The following ANKIB1 variants were observed in gnomAD, a reference collection of about 807,000 sequenced individuals.
The protein encoded by ANKIB1 is ankyrin repeat and IBR domain-containing protein 1.
In ANKIB1, 43 loss-of-function variants were observed where a neutral mutation model predicts 122.1. That is an observed-to-expected ratio of 0.35 (90% CI 0.28 to 0.45). ANKIB1 has a LOEUF of 0.45. Among genes scored for constraint, ANKIB1 ranks in the 20% least tolerant of loss-of-function variants. The pLI is 1.00. For synonymous variants in ANKIB1, 390 were observed against 442.0 expected (o/e 0.88, Z 1.48); for missense variants, 992 against 1,329.5 (o/e 0.75, Z 3.95).
At chr7:92,293,232 T>C (rs1238040201) in intron 1 of ANKIB1, among the ~76,000 whole-genome samples, 1 of 152,188 alleles carries the variant, frequency 6.6e-6, no homozygotes, top group Non-Finnish European at 1.5e-5. Flanking sequence ...TGTTATGAGA[T>C]GTAGTTTGGT....
At chr7:92,309,692 C>T (rs1390964887) in intron 3 of ANKIB1, among the ~76,000 whole-genome samples, 8 of 151,424 alleles carry the variant, frequency 5.3e-5, no homozygotes, top group South Asian at 4.2e-4. Flanking sequence ...TTTGGGAGGC[C>T]GAGGCGGGCA....
intron 5 of ANKIB1, among the ~76,000 whole-genome samples, chr7:92,332,479 G>A (rs1263350758): frequency 1.3e-5 from 2 of 152,248 alleles, no homozygotes; most frequent in East Asian, 3.9e-4. Context: ...ATATTTAGCA[G>A]TATTTATTAA....
intron 5 of ANKIB1, among the ~76,000 whole-genome samples, chr7:92,331,268 C>CTTTT (rs1438187815): frequency 7.4e-6 from 1 of 135,740 alleles, no homozygotes; most frequent in African/African-American, 2.7e-5. Context: ...AACATCACTT[C>CTTTT]TTTTTTTTTT....
chr7:92,347,237 C>CACACATT (rs1213274495), intron 7 of ANKIB1, among the ~76,000 whole-genome samples: 1 of 152,134 alleles, frequency 6.6e-6, no homozygotes, highest in Non-Finnish European at 1.5e-5. Context: ...TTGAATGTGG[C>CACACATT]CCAACACAAA....
Position 92,398,239 on chromosome 7 carries a change from C to A in ANKIB1, c.2560C>A (p.Pro854Thr). The part of the protein sequence containing the change: ...QALSSLDEDD[P>T]NILLAIQLSL... ...TCTGAGTTCCTTGGATGAAGACGAT[C>A]CCAATATACTTCTTGCAATACAGTT... The change falls in exon 20 of 20, where the codon CCC (proline) becomes ACC (threonine). Residue 854 changes from proline to threonine, a missense_variant. This residue lies in a region of ANKIB1 where 384 missense variants were observed against 412.0 expected (regional missense o/e 0.93). Coordinates refer to ENST00000265742, the MANE Select transcript of ANKIB1 (RefSeq NM_019004.2). The A allele has an allele frequency of 3.1e-6, 5 of 1,604,644 alleles. No individual in the cohort carries two copies. Among genetic ancestry groups the A allele is most frequent in the Non-Finnish European group, 4.3e-6 (5 of 1,175,804 alleles).
At chr7:92,345,914 T>C (rs556877927) in intron 7 of ANKIB1, among the ~76,000 whole-genome samples, 1 of 152,314 alleles carries the variant, frequency 6.6e-6, no homozygotes, top group East Asian at 1.9e-4. Context: ...AACAGCTTTG[T>C]TGAGGTACAG....
At chr7:92,318,807 G>A (rs2131948033) in intron 3 of ANKIB1, among the ~76,000 whole-genome samples, 1 of 152,200 alleles carries the variant, frequency 6.6e-6, no homozygotes. Flanking sequence ...TACTTATTTT[G>A]AAGAATATTG....
rs1333528813 is a variant in ANKIB1, at chr7:92,401,008, AGT to A, written c.*2062_*2063del. The A allele has an allele frequency of 6.6e-6, 1 of 152,234 alleles. No individual in the cohort carries two copies. The highest frequency in any genetic ancestry group is 1.5e-5 in the Non-Finnish European group (1 of 68,044). 9.4% of individuals were successfully genotyped at this position (152,234 alleles called of 1,614,324 possible). A position where few individuals can be genotyped will look rare whatever the true frequency, so the allele number is the denominator to read the frequency against. On this transcript the variant is annotated 3_prime_UTR_variant, in exon 20 of 20. Transcript: ENST00000265742. ...GAGAAAGAATGCTCTGTGTGAAGAC[AGT>A]GTACACAATGGGTTCCGGTTTCCTT...
chr7:92,303,821 C>T (rs1802501051), intron 2 of ANKIB1, among the ~76,000 whole-genome samples: 1 of 152,034 alleles, frequency 6.6e-6, no homozygotes, highest in Non-Finnish European at 1.5e-5. Context: ...AGTGAAACTT[C>T]CATGTAGTGA....
intron 5 of ANKIB1, among the ~76,000 whole-genome samples, chr7:92,337,624 A>G (rs971867688): frequency 6.6e-6 from 1 of 152,128 alleles, no homozygotes; most frequent in African/African-American, 2.4e-5. Flanking sequence ...AATACAGTAA[A>G]TGCTGTCTTA....
chr7:92,313,360 G>T (rs1802730757), intron 3 of ANKIB1, among the ~76,000 whole-genome samples: 1 of 152,120 alleles, frequency 6.6e-6, no homozygotes, highest in Non-Finnish European at 1.5e-5. Flanking sequence ...TCAGACTGAA[G>T]AATATTACCT....
rs182169035 is a variant in ANKIB1 at position 92,246,538 on chromosome 7, G to T, written c.-91+19G>T. 5.8e-6 allele frequency: 3 copies of T among 517,164 alleles called. No homozygotes were observed. The highest frequency in any genetic ancestry group is 5.8e-5 in the African/African-American group (3 of 52,050). 32.0% of individuals were successfully genotyped at this position (517,164 alleles called of 1,614,324 possible). A position where few individuals can be genotyped will look rare whatever the true frequency, so the allele number is the denominator to read the frequency against. On this transcript the variant is annotated intron_variant, in intron 1 of 19. Coordinates refer to ENST00000265742, the MANE Select transcript of ANKIB1 (RefSeq NM_019004.2). ...AGTAACCGTAAGTCTCAGCTTCGCG[G>T]TACAGATGTGTTTGAGGCTGCCTCT...
In ANKIB1 at chr7:92,355,318, A is replaced by G. The variant is rs540415402; in HGVS notation, c.1397+2676A>G. On this transcript the variant is annotated intron_variant, in intron 9 of 19. Coordinates refer to ENST00000265742, the MANE Select transcript of ANKIB1 (RefSeq NM_019004.2). ...TGTAACTTCTCTGTCTTCTGAACTG[A>G]CACAAAGTGTCTCTCTTCTCTGAGA... Among the ~76,000 whole-genome samples the G allele has an allele frequency of 5.3e-5, 8 of 152,224 alleles. No individual in the cohort carries two copies. The Middle Eastern group carries it at 0.01, about 194-fold the overall frequency.
chr7:92,335,309 T>C (rs920119919), intron 5 of ANKIB1, among the ~76,000 whole-genome samples: 4 of 151,998 alleles, frequency 2.6e-5, no homozygotes, highest in African/African-American at 7.2e-5. Context: ...AAGCATGTAG[T>C]CTGTCTTGAT....
rs369936398 is a variant in ANKIB1 at position 92,304,805 on chromosome 7, C to T, written c.189-2554C>T. Reference sequence around the variant, plus strand: ...ATATGACTGGGAATTTTATTATCAGCGGTTGAATAGGGAAAATATATATTT... The same window carrying T: ...ATATGACTGGGAATTTTATTATCAGTGGTTGAATAGGGAAAATATATATTT... On this transcript the variant is annotated intron_variant, in intron 2 of 19. Transcript: ENST00000265742. Among the ~76,000 whole-genome samples, 11 of 151,928 alleles carry T rather than the reference C, an allele frequency of 7.2e-5. 1 individual carries two copies. The highest frequency in any genetic ancestry group is 3.4e-3 in the Middle Eastern group (1 of 294).
chr7:92,331,953 T>C (rs1355271414), intron 5 of ANKIB1, among the ~76,000 whole-genome samples: 1 of 152,200 alleles, frequency 6.6e-6, no homozygotes, highest in Non-Finnish European at 1.5e-5. Context: ...AAAAGAAACA[T>C]TTTTATCCCT....
intron 11 of ANKIB1, among the ~76,000 whole-genome samples, chr7:92,381,907 T>C (rs1251075813): frequency 6.6e-6 from 1 of 152,210 alleles, no homozygotes; most frequent in Non-Finnish European, 1.5e-5. Flanking sequence ...ACCTTAAATG[T>C]AAATGGGCTC....
intron 1 of ANKIB1, among the ~76,000 whole-genome samples, chr7:92,258,356 G>A (rs1037793166): frequency 6.6e-6 from 1 of 152,206 alleles, no homozygotes; most frequent in African/African-American, 2.4e-5. Context: ...CTAAGCCAGA[G>A]GTTCTCAAAG....
intron 19 of ANKIB1, 54 bp downstream of exon 19, chr7:92,397,913 T>C: frequency 6.4e-7 from 1 of 1,557,070 alleles, no homozygotes; most frequent in Non-Finnish European, 8.6e-7. Context: ...CTCTGCTGAG[T>C]GTGGTTTCCT....
Sources: allele counts gnomAD v4.1 joint callset (sites outside exome capture counted in the v4.1 genomes callset), GRCh38; gene constraint gnomAD v4.1.1; regional missense constraint gnomAD v4.1.1; transcripts MANE v1.5; gene names NCBI Gene and HGNC (gene_info 2026-07-23, HGNC 2026-07-21).